MAST4: variants seen among roughly 807,000 people sequenced by gnomAD.
MAST4 encodes the protein microtubule associated serine/threonine kinase family member 4.
In MAST4, 89 loss-of-function variants were observed where a neutral mutation model predicts 162.7. The ratio of observed to expected loss-of-function variants is 0.55; its 90% CI spans 0.46 to 0.65. The LOEUF (loss-of-function observed/expected upper bound fraction) is 0.65, where lower values mean the gene tolerates loss of function less well. Among genes scored for constraint, MAST4 ranks in the 30% least tolerant of loss-of-function variants. The probability of loss-of-function intolerance (pLI) is 0.00; values close to 1 mark genes in which losing one functional copy is unlikely to be tolerated. For synonymous variants in MAST4, 1,479 were observed against 1,361.1 expected (o/e 1.09, Z -1.91); for missense variants, 3,153 against 3,374.0 (o/e 0.93, Z 1.62).
At position 67,102,526 on chromosome 5, in the gene MAST4, T is replaced by A; in HGVS notation, c.1071-10T>A. The A allele has an allele frequency of 6.2e-7, 1 of 1,613,694 alleles. No homozygotes were observed. Among genetic ancestry groups the A allele is most frequent in the Non-Finnish European group, 8.5e-7 (1 of 1,179,586 alleles). On this transcript the variant is annotated splice_polypyrimidine_tract_variant and intron_variant, in intron 8 of 28. Transcript: ENST00000403625. ...GGCAAGTTTAAAAGGGTAATTTGCT[T>A]TGCTTGCAGCCCTGGACGTTCTCCC... is the stretch of plus-strand genomic sequence containing the variant.
chr5:67,064,230 C>G (rs920325575), intron 5 of MAST4, among the ~76,000 whole-genome samples: 1 of 152,060 alleles, frequency 6.6e-6, no homozygotes, highest in Non-Finnish European at 1.5e-5. Context: ...ACATGGCCAG[C>G]AGGAGACTGA....
In MAST4 at chr5:67,166,767, C is replaced by T. The variant is rs541405272; in HGVS notation, c.7588C>T (p.Pro2530Ser). ...GCCCTCCTTCCGGGTCTCCACCCTG[C>T]CTCTGGAGTCACACCACCCCGACCC... is the stretch of plus-strand genomic sequence containing the variant. The part of the protein sequence containing the change: ...SLPSFRVSTL[P>S]LESHHPDPNT... Residue 2530 changes from proline to serine, a missense_variant, in exon 29 of 29, where the codon CCT becomes TCT. Around this residue, in one of 7 missense-constraint regions of MAST4, gnomAD observed 1,644 missense variants for 1,495.0 expected, o/e 1.10. Transcript: ENST00000403625. 6.2e-6 allele frequency: 10 copies of T among 1,600,886 alleles called. No homozygotes were observed. The highest frequency in any genetic ancestry group is 4.0e-5 in the African/African-American group (3 of 74,714).
At position 67,080,935 on chromosome 5, in the gene MAST4, A is replaced by G. The variant is rs1046970941; in HGVS notation, c.764-9227A>G. Reference sequence around the variant, plus strand: ...TGGTTAATTAATGTTTTCTTTAATTATATATATTATATAATATAATATATA... The same window carrying G: ...TGGTTAATTAATGTTTTCTTTAATTGTATATATTATATAATATAATATATA... On this transcript the variant is annotated intron_variant, in intron 5 of 28. Transcript: ENST00000403625. Among the ~76,000 whole-genome samples, 89 of 138,438 alleles carry G rather than the reference A, an allele frequency of 6.4e-4. 4 individuals carry two copies. The highest frequency in any genetic ancestry group is 1.0e-3 in the Admixed American group (13 of 12,616). 90.8% of individuals were successfully genotyped at this position (138,438 alleles called of 152,430 possible). A position where few individuals can be genotyped will look rare whatever the true frequency, so the allele number is the denominator to read the frequency against.
chr5:66,742,505 T>C (rs956155216), intron 1 of MAST4, among the ~76,000 whole-genome samples: 3 of 152,190 alleles, frequency 2.0e-5, no homozygotes, highest in Admixed American at 6.5e-5. Context: ...TCAAAGCTCC[T>C]GAGCGCTCCT....
chr5:66,796,060 C>G (rs1175213422), intron 3 of MAST4, among the ~76,000 whole-genome samples: 2 of 152,156 alleles, frequency 1.3e-5, no homozygotes, highest in Admixed American at 1.3e-4. Context: ...ATAGGTCAGG[C>G]CTAATCCATG....
Position 67,121,105 on chromosome 5 carries a change from G to A in MAST4, c.1745+3G>A, listed in dbSNP as rs1296029463. On this transcript the variant is annotated splice_donor_region_variant and intron_variant, in intron 14 of 28. Coordinates refer to ENST00000403625, the MANE Select transcript of MAST4 (RefSeq NM_001164664.2). ...TTGATTAGCAATGGAGCCTATGGGT[G>A]AGTAATTCAAGAAAAGCTCTCTATT... The A allele has an allele frequency of 1.9e-6, 3 of 1,593,930 alleles. No individual in the cohort carries two copies. Among genetic ancestry groups the A allele is most frequent in the South Asian group, 1.1e-5 (1 of 87,518 alleles).
At chr5:67,104,219 A>G in intron 9 of MAST4, 147 bp from the exon 10 acceptor site, 1 of 648,662 alleles carries the variant, frequency 1.5e-6, no homozygotes, top group Non-Finnish European at 2.7e-6. Context: ...TTTTATCAGA[A>G]GTGAGGCTTC....
chr5:66,608,412 TA>T (rs1444131027), intron 1 of MAST4, among the ~76,000 whole-genome samples: 1 of 142,528 alleles, frequency 7.0e-6, no homozygotes, highest in African/African-American at 2.6e-5. Flanking sequence ...AAGGTCTATA[TA>T]TACATTCTTG....
At chr5:66,948,415 C>T (rs184437537) in intron 4 of MAST4, among the ~76,000 whole-genome samples, 4 of 152,144 alleles carry the variant, frequency 2.6e-5, no homozygotes, top group Admixed American at 1.3e-4. Context: ...GTTTGGTTAC[C>T]GAATTATCCA....
chr5:66,604,950 A>G (rs1446634553), intron 1 of MAST4, among the ~76,000 whole-genome samples: 1 of 152,212 alleles, frequency 6.6e-6, no homozygotes, highest in African/African-American at 2.4e-5. Flanking sequence ...TCACATTTGA[A>G]ATTACTTCTT....
intron 23 of MAST4, among the ~76,000 whole-genome samples, chr5:67,145,897 G>A (rs986786875): frequency 6.6e-6 from 1 of 152,114 alleles, no homozygotes; most frequent in Non-Finnish European, 1.5e-5. Flanking sequence ...TTTGTTAAAG[G>A]GTTATGTTGT....
chr5:66,624,891 C>A (rs61597595), intron 1 of MAST4, among the ~76,000 whole-genome samples: 1 of 152,134 alleles, frequency 6.6e-6, no homozygotes, highest in African/African-American at 2.4e-5. Context: ...ATAAGACTTG[C>A]AATTGTAAAA....
At chr5:66,607,909 A>C (rs1199904787) in intron 1 of MAST4, among the ~76,000 whole-genome samples, 2 of 152,162 alleles carry the variant, frequency 1.3e-5, no homozygotes, top group Admixed American at 1.3e-4. Context: ...ATAGGCACCT[A>C]TTCTTCCTGT....
At chr5:67,061,397 T>C (rs1360047283) in intron 5 of MAST4, among the ~76,000 whole-genome samples, 1 of 152,226 alleles carries the variant, frequency 6.6e-6, no homozygotes, top group African/African-American at 2.4e-5. Flanking sequence ...CCTTGGTCCC[T>C]CTCTTTTGTT....
chr5:66,802,047 C>A (rs1249073574), intron 3 of MAST4, among the ~76,000 whole-genome samples: 1 of 152,052 alleles, frequency 6.6e-6, no homozygotes, highest in Non-Finnish European at 1.5e-5. Context: ...CTTATGAAAT[C>A]CTTAGTTTTG....
chr5:66,659,190 C>G (rs1318173211), intron 1 of MAST4, among the ~76,000 whole-genome samples: 1 of 152,122 alleles, frequency 6.6e-6, no homozygotes, highest in East Asian at 1.9e-4. Context: ...AAGCCAGGAA[C>G]AGCCTGAAGC....
At chr5:67,151,041 C>T (rs1234000862) in intron 24 of MAST4, among the ~76,000 whole-genome samples, 1 of 152,152 alleles carries the variant, frequency 6.6e-6, no homozygotes, top group Admixed American at 6.5e-5. Flanking sequence ...TGGCTCCAAC[C>T]GAGCTCATGT....
chr5:66,719,082 T>A (rs375147850), intron 1 of MAST4, among the ~76,000 whole-genome samples: 1 of 152,170 alleles, frequency 6.6e-6, no homozygotes, highest in East Asian at 1.9e-4. Context: ...GGGTGAGTTA[T>A]GGGAAGTGAA....
At position 67,118,703 on chromosome 5, in the gene MAST4, A is replaced by G; in HGVS notation, c.1613A>G (p.Tyr538Cys). The change falls in exon 13 of 29, where the codon TAC becomes TGC. Residue 538 changes from tyrosine to cysteine, a missense_variant. Tyr to Cys is a radical substitution (Grantham distance 194). Transcript: ENST00000403625. ...PLEEMAHLGN[Y>C]DSGTAETPET... is the part of the protein sequence containing the mutation. ...TTAGAAATGGCTCATTTGGGAAACTACGATAGTGGGACAGCAGAAACACCA... is the reference window on the plus strand; with the variant it reads ...TTAGAAATGGCTCATTTGGGAAACTGCGATAGTGGGACAGCAGAAACACCA... The G allele has an allele frequency of 6.3e-7, 1 of 1,576,658 alleles. No individual in the cohort carries two copies. Among genetic ancestry groups the G allele is most frequent in the Non-Finnish European group, 8.6e-7 (1 of 1,158,252 alleles).
Sources: gnomAD v4.1 joint callset for allele counts (sites outside exome capture counted in the v4.1 genomes callset) on GRCh38, gnomAD v4.1.1 for gene constraint, gnomAD v4.1.1 regional missense constraint, MANE v1.5 for transcripts, NCBI Gene and HGNC (gene_info 2026-07-23, HGNC 2026-07-21) for gene names.